SKAP2: variants seen among roughly 807,000 people sequenced by gnomAD.
SKAP2 encodes src kinase-associated phosphoprotein 2.
Under a neutral mutation model 54.9 loss-of-function variants are expected in SKAP2, and 28 were observed. That is an observed-to-expected ratio of 0.51 (90% CI 0.38 to 0.70). The LOEUF is 0.70. Ranked by LOEUF, SKAP2 falls within the 30% of genes least tolerant of loss-of-function variation. The pLI, the probability that SKAP2 is intolerant of heterozygous loss-of-function variation, is 0.00. For missense variants in SKAP2, 356 were observed against 424.1 expected (o/e 0.84, Z 1.41); for synonymous variants, 137 against 134.3 (o/e 1.02, Z -0.14).
chr7:26,836,065 C>G (rs895104597), intron 4 of SKAP2, among the ~76,000 whole-genome samples: 1 of 152,158 alleles, frequency 6.6e-6, no homozygotes, highest in African/African-American at 2.4e-5. Flanking sequence ...TGATCTTTGA[C>G]AAACCTGACA....
At chr7:26,684,996 T>C (rs1250912454) in intron 10 of SKAP2, 148 bp from the exon 11 acceptor site, 2 of 583,614 alleles carry the variant, frequency 3.4e-6, no homozygotes, top group East Asian at 2.8e-5. Context: ...CTTTATTACA[T>C]TCACATGAAT....
chr7:26,713,457 T>C (rs1562584149), intron 9 of SKAP2, among the ~76,000 whole-genome samples: 1 of 152,006 alleles, frequency 6.6e-6, no homozygotes, highest in African/African-American at 2.4e-5. Context: ...TAAGATGACA[T>C]GAGGAGAAGG....
downstream of SKAP2, among the ~76,000 whole-genome samples, chr7:26,663,925 TATG>T (rs1304241433): frequency 6.6e-6 from 1 of 152,204 alleles, no homozygotes; most frequent in Non-Finnish European, 1.5e-5. Flanking sequence ...TTGGATCTGA[TATG>T]ATAACCATGG....
chr7:26,768,512 G>T (rs982985883), intron 4 of SKAP2, among the ~76,000 whole-genome samples: 1 of 152,166 alleles, frequency 6.6e-6, no homozygotes, highest in African/African-American at 2.4e-5. Context: ...ATGCTAGCTG[G>T]TTATTTTGCC....
intron 4 of SKAP2, among the ~76,000 whole-genome samples, chr7:26,781,119 C>A (rs1480270121): frequency 6.6e-6 from 1 of 152,112 alleles, no homozygotes; most frequent in Non-Finnish European, 1.5e-5. Context: ...CTTACTAAAT[C>A]CCTGCCAACA....
At chr7:26,802,042 C>A (rs1367791551) in intron 4 of SKAP2, among the ~76,000 whole-genome samples, 1 of 152,072 alleles carries the variant, frequency 6.6e-6, no homozygotes, top group Non-Finnish European at 1.5e-5. Flanking sequence ...CTCAGAACAG[C>A]CAATGTTACC....
At chr7:26,679,411 G>A (rs565810015) in intron 11 of SKAP2, among the ~76,000 whole-genome samples, 1 of 152,292 alleles carries the variant, frequency 6.6e-6, no homozygotes, top group Non-Finnish European at 1.5e-5. Context: ...CTCCTAGGAG[G>A]AGATGGGTAC....
In SKAP2 at chr7:26,787,264, G is replaced by A. The variant is rs543774328; in HGVS notation, c.308-47300C>T. Reference sequence around the variant, plus strand: ...AGAGGTTTCGTTGGCTTACGGTTCCGCAGGCTGTGCAAGTATGGTGTCAGC... The same window carrying A: ...AGAGGTTTCGTTGGCTTACGGTTCCACAGGCTGTGCAAGTATGGTGTCAGC... On this transcript the variant is annotated intron_variant, in intron 4 of 12. Transcript: ENST00000345317. Among the ~76,000 whole-genome samples, 26 of 151,936 alleles carry A rather than the reference G, an allele frequency of 1.7e-4. No homozygotes were observed. In the South Asian group the frequency reaches 3.8e-3, roughly 22 times the overall value.
At chr7:26,670,280 A>G (rs1457363770) in intron 11 of SKAP2, 88 bp from the exon 12 acceptor site, 25 of 685,704 alleles carry the variant, frequency 3.6e-5, no homozygotes, top group African/African-American at 1.4e-4. Context: ...TGTTATTTCT[A>G]TTTATAAAGT....
chr7:26,827,107 T>G (rs948292827), intron 4 of SKAP2, among the ~76,000 whole-genome samples: 8 of 152,166 alleles, frequency 5.3e-5, no homozygotes, highest in Non-Finnish European at 1.5e-5. Flanking sequence ...AAAATATAAT[T>G]CTTATTAAAC....
rs1784506527 is a variant in SKAP2 at position 26,827,098 on chromosome 7, A to C, written c.307+16932T>G. Among the ~76,000 whole-genome samples the C allele has an allele frequency of 3.9e-5, 6 of 152,128 alleles. No homozygotes were observed. The South Asian group carries it at 1.2e-3, about 31-fold the overall frequency. ...AGAAATTTTACTATTTTTGATATTAAAATATAATTCTTATTAAACTCCTTT... is the reference window on the plus strand; with the variant it reads ...AGAAATTTTACTATTTTTGATATTACAATATAATTCTTATTAAACTCCTTT... On this transcript the variant is annotated intron_variant, in intron 4 of 12. Coordinates refer to ENST00000345317, the MANE Select transcript of SKAP2 (RefSeq NM_003930.5).
intron 4 of SKAP2, among the ~76,000 whole-genome samples, chr7:26,754,580 C>A (rs1449028526): frequency 6.6e-6 from 1 of 152,152 alleles, no homozygotes; most frequent in Non-Finnish European, 1.5e-5. Context: ...TTGTCATTAC[C>A]AGAACAATTT....
intron 9 of SKAP2, among the ~76,000 whole-genome samples, chr7:26,717,222 A>C (rs1421137940): frequency 1.3e-5 from 2 of 152,120 alleles, no homozygotes; most frequent in Non-Finnish European, 2.9e-5. Flanking sequence ...GCTTCTAAGC[A>C]GGCATTGGCC....
chr7:26,782,857 G>A (rs945200015), intron 4 of SKAP2, among the ~76,000 whole-genome samples: 3 of 152,174 alleles, frequency 2.0e-5, no homozygotes, highest in Non-Finnish European at 4.4e-5. Flanking sequence ...GCCCTCACCA[G>A]ACATCTTGAT....
intron 4 of SKAP2, among the ~76,000 whole-genome samples, chr7:26,771,469 A>G (rs1783186986): frequency 6.6e-6 from 1 of 152,226 alleles, no homozygotes; most frequent in African/African-American, 2.4e-5. Flanking sequence ...AACTTGTGAT[A>G]CCAGTGGATA....
chr7:26,859,103 A>G (rs1230879590), intron 1 of SKAP2, among the ~76,000 whole-genome samples: 13 of 152,132 alleles, frequency 8.5e-5, no homozygotes, highest in Admixed American at 8.5e-4. Flanking sequence ...TCAATAAAAT[A>G]AAGGTAAAAC....
At chr7:26,747,583 C>T (rs1782584060) in intron 4 of SKAP2, among the ~76,000 whole-genome samples, 1 of 152,128 alleles carries the variant, frequency 6.6e-6, no homozygotes, top group Non-Finnish European at 1.5e-5. Flanking sequence ...ACTATGCCTT[C>T]AATAGGTCTA....
At chr7:26,697,362 C>T (rs1325985451) in intron 9 of SKAP2, among the ~76,000 whole-genome samples, 2 of 152,124 alleles carry the variant, frequency 1.3e-5, no homozygotes, top group Non-Finnish European at 2.9e-5. Context: ...TTTCATAGGT[C>T]AGATTCGGTT....
At chr7:26,750,556 C>A (rs1359222318) in intron 4 of SKAP2, among the ~76,000 whole-genome samples, 1 of 152,010 alleles carries the variant, frequency 6.6e-6, no homozygotes, top group African/African-American at 2.4e-5. Context: ...GCTGATCCAC[C>A]CACCTTGGCC....
Sources: allele counts gnomAD v4.1 joint callset (sites outside exome capture counted in the v4.1 genomes callset), GRCh38; gene constraint gnomAD v4.1.1; transcripts MANE v1.5; gene names NCBI Gene and HGNC (gene_info 2026-07-23, HGNC 2026-07-21).